FBXO7: variants seen among roughly 807,000 people sequenced by gnomAD.
FBXO7 encodes F-box protein 7.
FBXO7 carries 31 observed loss-of-function variants against 50.2 expected under a neutral mutation model. That is an observed-to-expected ratio of 0.62 (90% CI 0.46 to 0.83). The LOEUF (loss-of-function observed/expected upper bound fraction) is 0.83, where lower values mean the gene tolerates loss of function less well. Among genes scored for constraint, FBXO7 ranks in the 40% least tolerant of loss-of-function variants. The pLI, the probability that FBXO7 is intolerant of heterozygous loss-of-function variation, is 0.00. For missense variants in FBXO7, 667 were observed against 646.6 expected (o/e 1.03, Z -0.34); for synonymous variants, 256 against 253.1 (o/e 1.01, Z -0.11).
At chr22:32,488,977 T>C (rs2267177) in intron 5 of FBXO7, 63,215 of 150,548 alleles carry the variant, frequency 0.42, 13,657 homozygotes, top group East Asian at 0.69. Context: ...GCCCAGCCAA[T>C]TTTTTTTTAT....
intron 7 of FBXO7, 105 bp from the exon 8 acceptor site, chr22:32,495,388 T>A: frequency 1.4e-6 from 1 of 695,912 alleles, no homozygotes; most frequent in Non-Finnish European, 2.5e-6. Flanking sequence ...TTTTTTATGC[T>A]TAACGGGTAA....
At chr22:32,495,384 A>C in intron 7 of FBXO7, 109 bp from the exon 8 acceptor site, 1 of 468,042 alleles carries the variant, frequency 2.1e-6, no homozygotes, top group African/African-American at 2.3e-5. Context: ...TTTTTTTTTT[A>C]TGCTTAACGG....
chr22:32,495,510 C>A lies in FBXO7; in HGVS notation c.1162C>A (p.Gln388Lys). ...RDFRDNTVRVQDTDWKELYRK... is the reference protein window; with the variant it reads ...RDFRDNTVRVKDTDWKELYRK... Reference sequence around the variant, plus strand: ...CTTTGTAGACAATACTGTCAGAGTTCAAGACACAGATTGGAAAGAAGTAGG... The same window carrying A: ...CTTTGTAGACAATACTGTCAGAGTTAAAGACACAGATTGGAAAGAAGTAGG... The change falls in exon 8 of 9, where the codon CAA (glutamine) becomes AAA (lysine). Residue 388 changes from glutamine (Q) to lysine (K), a missense_variant. Physicochemically the swap from Gln to Lys is moderately conservative, Grantham distance 53 (BLOSUM62 1). Coordinates refer to ENST00000266087, the MANE Select transcript of FBXO7 (RefSeq NM_012179.4). 1.3e-6 allele frequency: 2 copies of A among 1,570,846 alleles called. No individual in the cohort carries two copies. The highest frequency in any genetic ancestry group is 1.7e-6 in the Non-Finnish European group (2 of 1,145,902).
chr22:32,485,986 T>C (rs2057496071), intron 4 of FBXO7, among the ~76,000 whole-genome samples: 1 of 152,190 alleles, frequency 6.6e-6, no homozygotes, highest in Admixed American at 6.5e-5. Flanking sequence ...GTGGTAAGAT[T>C]GGGAGGGCTG....
intron 2 of FBXO7, among the ~76,000 whole-genome samples, chr22:32,480,015 T>G (rs2057454622): frequency 6.6e-6 from 1 of 152,206 alleles, no homozygotes; most frequent in African/African-American, 2.4e-5. Flanking sequence ...CTCAGTTCCC[T>G]TCTTTGTCAG....
At chr22:32,486,328 C>G (rs751423544) in intron 4 of FBXO7, among the ~76,000 whole-genome samples, 1 of 151,780 alleles carries the variant, frequency 6.6e-6, no homozygotes, top group African/African-American at 2.4e-5. Context: ...TCCCCTCTTA[C>G]AAAGTTTCTT....
intron 2 of FBXO7, 123 bp from the exon 3 acceptor site, chr22:32,483,774 T>TCTC: frequency 9.8e-6 from 8 of 814,600 alleles, no homozygotes; most frequent in Non-Finnish European, 1.4e-5. Flanking sequence ...ACTTAAAATG[T>TCTC]CTCCCATTTC....
chr22:32,475,220 G>A, intron 1 of FBXO7, 96 bp downstream of exon 1: 3 of 1,511,382 alleles, frequency 2.0e-6, no homozygotes, highest in Non-Finnish European at 2.6e-6. Context: ...TGCAGGCGCG[G>A]GCGTGGCCGG....
At chr22:32,491,898 C>G (rs922782292) in intron 6 of FBXO7, 2 of 152,082 alleles carry the variant, frequency 1.3e-5, no homozygotes, top group Admixed American at 6.6e-5. Context: ...ACTTCTCACT[C>G]GTGTACATGT....
At position 32,498,144 on chromosome 22, in the gene FBXO7, C is replaced by G. The variant is rs1328083173; in HGVS notation, c.1183C>G (p.Leu395Val). The G allele has an allele frequency of 6.2e-7, 1 of 1,614,076 alleles. No individual in the cohort carries two copies. The highest frequency in any genetic ancestry group is 8.5e-7 in the Non-Finnish European group (1 of 1,179,950). The change falls in exon 9 of 9, where the codon CTG (leucine) becomes GTG (valine). Residue 395 changes from leucine (L) to valine (V), a missense_variant and splice_region_variant. Physicochemically the swap from Leu to Val is conservative, Grantham distance 32 (BLOSUM62 1). Coordinates refer to ENST00000266087, the MANE Select transcript of FBXO7 (RefSeq NM_012179.4). ...VRVQDTDWKE[L>V]YRKRHIQRKE... ...TCTTTTATTTTTCTTTTTTCTACAG[C>G]TGTACAGGAAGAGGCACATACAAAG...
At chr22:32,488,005 A>G (rs1371179099) in intron 5 of FBXO7, 177 bp downstream of exon 5, 2 of 576,536 alleles carry the variant, frequency 3.5e-6, no homozygotes, top group Non-Finnish European at 6.2e-6. Flanking sequence ...TTTTGCTTAT[A>G]ATTTGAGGAG....
intron 7 of FBXO7, among the ~76,000 whole-genome samples, chr22:32,493,989 G>C (rs2057555582): frequency 6.6e-6 from 1 of 151,000 alleles, no homozygotes; most frequent in African/African-American, 2.4e-5. Context: ...GGTGTATACT[G>C]TGTTGCAATG....
Position 32,498,121 on chromosome 22 carries a change from TTTTA to T in FBXO7, c.1183-19_1183-16del. On this transcript the variant is annotated intron_variant, in intron 8 of 8. Transcript: ENST00000266087. The stretch of plus-strand genomic sequence containing the variant: ...CCAGATCACTTACCTTATCTTGTTC[TTTTA>T]TTTTTCTTTTTTCTACAGCTGTACA... 1 of 1,613,440 alleles carries T rather than the reference TTTTA, an allele frequency of 6.2e-7. No homozygotes were observed. Among genetic ancestry groups the T allele is most frequent in the Non-Finnish European group, 8.5e-7 (1 of 1,179,392 alleles).
intron 2 of FBXO7, among the ~76,000 whole-genome samples, chr22:32,483,596 G>A (rs1446981090): frequency 1.3e-5 from 2 of 152,180 alleles, no homozygotes; most frequent in African/African-American, 4.8e-5. Flanking sequence ...ATATTTAGGA[G>A]TTAGTTTCAG....
At chr22:32,497,966 A>G (rs1376452531) in intron 8 of FBXO7, among the ~76,000 whole-genome samples, 178 bp from the exon 9 acceptor site, 1 of 152,246 alleles carries the variant, frequency 6.6e-6, no homozygotes, top group Non-Finnish European at 1.5e-5. Flanking sequence ...TAGCATTTAT[A>G]TACACTGGGA....
intron 4 of FBXO7, 141 bp from the exon 5 acceptor site, chr22:32,487,604 A>G (rs1013563146): frequency 2.8e-5 from 18 of 635,878 alleles, no homozygotes; most frequent in South Asian, 5.6e-5. Flanking sequence ...TATCAGAGAA[A>G]GAAATAGGCG....
chr22:32,478,958 T>C, intron 1 of FBXO7, 23 bp from the exon 2 acceptor site: 1 of 1,612,022 alleles, frequency 6.2e-7, no homozygotes, highest in Non-Finnish European at 8.5e-7. Flanking sequence ...GTTCTTACTA[T>C]GCTTATCTGT....
intron 1 of FBXO7, chr22:32,478,146 A>C (rs2057440695): frequency 6.6e-6 from 1 of 152,300 alleles, no homozygotes; most frequent in Non-Finnish European, 1.5e-5. Flanking sequence ...TGAATAGAGA[A>C]CAGTGAGAGA....
rs751665405 is a variant in FBXO7 at position 32,498,495 on chromosome 22, G to A, written c.1534G>A (p.Gly512Ser). The A allele has an allele frequency of 6.2e-7, 1 of 1,613,046 alleles. No homozygotes were observed. The highest frequency in any genetic ancestry group is 1.1e-5 in the South Asian group (1 of 91,070). ...NDRFPFRPSR[G>S]RPTDGRLSFM is the part of the protein sequence containing the mutation. ...CAGATTTCCCTTTAGACCCAGCAGG[G>A]GTCGGCCAACTGATGGCCGGCTGTC... The change falls in exon 9 of 9, where the codon GGT (glycine) becomes AGT (serine). Residue 512 changes from glycine (G) to serine (S), a missense_variant. Transcript: ENST00000266087.
Sources: allele counts gnomAD v4.1 joint callset (sites outside exome capture counted in the v4.1 genomes callset), GRCh38; gene constraint gnomAD v4.1.1; transcripts MANE v1.5; gene names NCBI Gene and HGNC (gene_info 2026-07-23, HGNC 2026-07-21).